ANKRD11: variants seen among roughly 807,000 people sequenced by gnomAD.
The protein encoded by ANKRD11 is ankyrin repeat domain 11, also known as ankyrin repeat domain-containing protein 11.
In ANKRD11, 17 loss-of-function variants were observed where a neutral mutation model predicts 195.7. The observed-to-expected ratio is 0.09, with a 90% CI of 0.06 to 0.13. The LOEUF is 0.13. Among genes scored for constraint, ANKRD11 ranks in the 10% least tolerant of loss-of-function variants. The pLI is 1.00. For missense variants in ANKRD11, 3,735 were observed against 3,566.1 expected, an observed-to-expected ratio of 1.05 and a Z score of -1.21; for synonymous variants, 1,953 against 1,528.1, an observed-to-expected ratio of 1.28 and a Z score of -6.49.
At chr16:89,402,460 G>C (rs553637466) in intron 2 of ANKRD11, among the ~76,000 whole-genome samples, 2 of 152,030 alleles carry the variant, frequency 1.3e-5, no homozygotes, top group Non-Finnish European at 1.5e-5. Flanking sequence ...CGGGAAGATC[G>C]GTTGACTCCA....
At chr16:89,397,160 C>T (rs551287107) in intron 2 of ANKRD11, among the ~76,000 whole-genome samples, 11 of 152,148 alleles carry the variant, frequency 7.2e-5, no homozygotes, top group Non-Finnish European at 1.5e-4. Context: ...CCCACAGAGC[C>T]AGAGCTCCTC....
intron 3 of ANKRD11, among the ~76,000 whole-genome samples, 175 bp from the exon 4 acceptor site, chr16:89,305,519 G>C (rs542140089): frequency 6.6e-6 from 1 of 152,216 alleles, no homozygotes; most frequent in Admixed American, 6.5e-5. Context: ...CCTTCACCCA[G>C]AAGCCCGGGG....
intron 1 of ANKRD11, among the ~76,000 whole-genome samples, chr16:89,459,942 AG>A (rs997173602): frequency 1.1e-3 from 170 of 151,734 alleles, no homozygotes; most frequent in Non-Finnish European, 5.9e-4. Context: ...CCAAAAAAAA[AG>A]AAAAAAAAAA....
intron 4 of ANKRD11, among the ~76,000 whole-genome samples, chr16:89,294,940 G>A (rs1238143837): frequency 1.3e-5 from 2 of 152,228 alleles, no homozygotes; most frequent in Non-Finnish European, 2.9e-5. Context: ...GAGAGCATCT[G>A]GAGCTACCCC....
At chr16:89,470,743 A>T in intron 1 of ANKRD11, among the ~76,000 whole-genome samples, 1 of 121,994 alleles carries the variant, frequency 8.2e-6, no homozygotes, top group East Asian at 3.0e-4. Flanking sequence ...TAATCCCAGC[A>T]CTTTGGTAGT....
intron 3 of ANKRD11, among the ~76,000 whole-genome samples, chr16:89,316,086 G>A (rs1231686772): frequency 6.6e-6 from 1 of 151,996 alleles, no homozygotes; most frequent in Non-Finnish European, 1.5e-5. Context: ...GAGGAGCAAG[G>A]AGGCACGAGG....
chr16:89,273,239 G>A (rs2033337365), intron 11 of ANKRD11, among the ~76,000 whole-genome samples: 1 of 152,110 alleles, frequency 6.6e-6, no homozygotes, highest in Non-Finnish European at 1.5e-5. Context: ...GGGAAGTAAT[G>A]CTTCCTTGGA....
chr16:89,466,787 A>C (rs1450995678), intron 1 of ANKRD11, among the ~76,000 whole-genome samples: 4 of 152,238 alleles, frequency 2.6e-5, no homozygotes, highest in African/African-American at 9.6e-5. Flanking sequence ...GCAGCAAACA[A>C]AAGATGCAAA....
At chr16:89,341,758 C>G (rs1232401018) in intron 2 of ANKRD11, among the ~76,000 whole-genome samples, 1 of 152,214 alleles carries the variant, frequency 6.6e-6, no homozygotes, top group Admixed American at 6.5e-5. Context: ...TCTCTCTGCA[C>G]AAACGTGCAC....
In ANKRD11 at chr16:89,270,928, G is replaced by A. The variant is rs2033094119; in HGVS notation, c.7714-19C>T. On this transcript the variant is annotated intron_variant, in intron 11 of 12. Coordinates refer to ENST00000301030, the MANE Select transcript of ANKRD11 (RefSeq NM_013275.6). Reference sequence around the variant, plus strand: ...CGTCACCCTGTGGAAACCAAACACGGGAGTTTCATCAGGAGCCCCAGAGAC... The same window carrying A: ...CGTCACCCTGTGGAAACCAAACACGAGAGTTTCATCAGGAGCCCCAGAGAC... 1.9e-6 allele frequency: 3 copies of A among 1,613,296 alleles called. No individual in the cohort carries two copies. The highest frequency in any genetic ancestry group is 2.2e-5 in the East Asian group (1 of 44,878).
intron 2 of ANKRD11, among the ~76,000 whole-genome samples, chr16:89,391,890 C>T (rs2041215005): frequency 6.6e-6 from 1 of 152,244 alleles, no homozygotes; most frequent in African/African-American, 2.4e-5. Context: ...ATGTTCTTAG[C>T]TCCCACAATT....
chr16:89,453,459 C>A (rs1047860562), intron 1 of ANKRD11, among the ~76,000 whole-genome samples: 1 of 152,162 alleles, frequency 6.6e-6, no homozygotes, highest in Non-Finnish European at 1.5e-5. Context: ...AGACAGAATT[C>A]TCTTCCTTCC....
rs758283954 is a variant in ANKRD11 at position 89,281,634 on chromosome 16, G to A, written c.4908C>T (p.Asp1636=). Residue 1636 remains aspartate, a synonymous_variant, in exon 9 of 13, where the codon GAC becomes GAT. Transcript: ENST00000301030. The surrounding 1 kb of genome is among the most constrained non-coding windows in gnomAD (Gnocchi z 5.5). Reference sequence around the variant, plus strand: ...GCCCCGGCGGTTTCTTAGCAGGAATGTCCAGACCCTTCTTCCGCCCGTCGT... The same window carrying A: ...GCCCCGGCGGTTTCTTAGCAGGAATATCCAGACCCTTCTTCCGCCCGTCGT... The part of the protein sequence containing the change: ...PADDGRKKGL[D]IPAKKPPGLD... 10 of 1,614,076 alleles carry A rather than the reference G, an allele frequency of 6.2e-6. No homozygotes were observed. Among genetic ancestry groups the A allele is most frequent in the Admixed American group, 1.7e-5 (1 of 60,006 alleles).
intron 2 of ANKRD11, among the ~76,000 whole-genome samples, chr16:89,413,265 A>G (rs1357158553): frequency 6.6e-6 from 1 of 152,218 alleles, no homozygotes; most frequent in African/African-American, 2.4e-5. Flanking sequence ...ATTACTACGC[A>G]TATTTTTTTG....
At chr16:89,457,551 T>G (rs1302684391) in intron 1 of ANKRD11, among the ~76,000 whole-genome samples, 3 of 144,692 alleles carry the variant, frequency 2.1e-5, no homozygotes, top group Non-Finnish European at 4.5e-5. Context: ...TGAGCTGAGA[T>G]CGCGCCACTG....
intron 1 of ANKRD11, among the ~76,000 whole-genome samples, chr16:89,482,927 C>A (rs1024361085): frequency 6.6e-6 from 1 of 152,182 alleles, no homozygotes; most frequent in African/African-American, 2.4e-5. Context: ...CCTGGAGCCT[C>A]CAGAAGGAAC....
chr16:89,456,353 A>T (rs183447799), intron 1 of ANKRD11, among the ~76,000 whole-genome samples: 1 of 152,136 alleles, frequency 6.6e-6, no homozygotes, highest in East Asian at 1.9e-4. Flanking sequence ...GTTCGAGACC[A>T]GCCTAACCAA....
At chr16:89,378,003 C>T (rs772174552) in intron 2 of ANKRD11, among the ~76,000 whole-genome samples, 1 of 152,026 alleles carries the variant, frequency 6.6e-6, no homozygotes, top group African/African-American at 2.4e-5. Context: ...CTTAACAACA[C>T]CTTCTTTTCT....
rs773578551 is a variant in ANKRD11 at position 89,282,496 on chromosome 16, C to T, written c.4046G>A (p.Arg1349Lys). 7 of 1,614,120 alleles carry T rather than the reference C, an allele frequency of 4.3e-6. 1 individual carries two copies. The South Asian group carries it at 7.7e-5, about 18-fold the overall frequency. Residue 1349 changes from arginine (R) to lysine (K), a missense_variant, in exon 9 of 13, where the codon AGG becomes AAG. Coordinates refer to ENST00000301030, the MANE Select transcript of ANKRD11 (RefSeq NM_013275.6). ...CLPEKLKEKE[R>K]HRHSSSSSKK... Reference sequence around the variant, plus strand: ...GGATGAAGATGAGGAGTGTCTGTGCCTCTCCTTCTCTTTCAGCTTCTCAGG... The same window carrying T: ...GGATGAAGATGAGGAGTGTCTGTGCTTCTCCTTCTCTTTCAGCTTCTCAGG...
Sources: allele counts gnomAD v4.1 joint callset (sites outside exome capture counted in the v4.1 genomes callset), GRCh38; gene constraint gnomAD v4.1.1; non-coding constraint Gnocchi (gnomAD v3.1); transcripts MANE v1.5; gene names NCBI Gene and HGNC (gene_info 2026-07-23, HGNC 2026-07-21).